Variants in CAMK2G observed in about 807,000 individuals in gnomAD.
The protein encoded by CAMK2G is calcium/calmodulin-dependent protein kinase type II subunit gamma.
Under a neutral mutation model 88.7 loss-of-function variants are expected in CAMK2G, and 23 were observed. That is an observed-to-expected ratio of 0.26 (90% CI 0.19 to 0.37). The LOEUF is 0.37. Among genes scored for constraint, CAMK2G ranks in the 10% least tolerant of loss-of-function variants. CAMK2G has a pLI of 1.00. For synonymous variants in CAMK2G, 263 were observed against 294.8 expected (o/e 0.89, Z 1.11); for missense variants, 476 against 780.8 (o/e 0.61, Z 4.65).
At chr10:73,859,095 C>T (rs1474440380) in intron 3 of CAMK2G, among the ~76,000 whole-genome samples, 2 of 152,236 alleles carry the variant, frequency 1.3e-5, no homozygotes, top group African/African-American at 2.4e-5. Context: ...TATTGAGACC[C>T]GGGTCTGGAA....
At position 73,849,248 on chromosome 10, in the gene CAMK2G, G is replaced by A. The variant is rs771317668; in HGVS notation, c.414+13C>T. On this transcript the variant is annotated intron_variant, in intron 6 of 22. Transcript: ENST00000423381. ...TTCATGAGCAGAGGCACGGAGGGGAGCCTGGGTAGTACCTTCAGGTCCCTG... is the reference window on the plus strand; with the variant it reads ...TTCATGAGCAGAGGCACGGAGGGGAACCTGGGTAGTACCTTCAGGTCCCTG... 5.6e-6 allele frequency: 9 copies of A among 1,609,812 alleles called. No individual in the cohort carries two copies. The highest frequency in any genetic ancestry group is 7.7e-6 in the Non-Finnish European group (9 of 1,176,204).
chr10:73,860,159 T>C (rs2095305727), intron 3 of CAMK2G, among the ~76,000 whole-genome samples: 1 of 152,170 alleles, frequency 6.6e-6, no homozygotes, highest in Non-Finnish European at 1.5e-5. Context: ...CAAAGACCAT[T>C]TCAGCTGAAC....
chr10:73,840,644 C>T (rs75833526), intron 12 of CAMK2G, among the ~76,000 whole-genome samples: 172 of 152,338 alleles, frequency 1.1e-3, no homozygotes, highest in African/African-American at 3.9e-3. Context: ...TTCCTGAAAC[C>T]AGGATGCCAG....
rs533106187 is a variant in CAMK2G at position 73,855,822 on chromosome 10, C to T, written c.221-2576G>A. 2.0e-5 allele frequency among the ~76,000 whole-genome samples: 3 copies of T among 152,340 alleles called. No individual in the cohort carries two copies. In the South Asian group the frequency reaches 6.2e-4, roughly 32 times the overall value. The stretch of plus-strand genomic sequence containing the variant: ...CAAGGAGGGATGGAGGAAGCTGTAT[C>T]TGAATAAGACTGCTATCGACATTTT... On this transcript the variant is annotated intron_variant, in intron 3 of 22. Coordinates refer to ENST00000423381, the MANE Select transcript of CAMK2G (RefSeq NM_001367534.1).
intron 15 of CAMK2G, 68 bp downstream of exon 15, chr10:73,828,021 G>C (rs1400419644): frequency 3.9e-6 from 5 of 1,279,732 alleles, no homozygotes; most frequent in Non-Finnish European, 5.7e-6. Context: ...TGGCAGAACA[G>C]GTTTGCGTGG....
intron 12 of CAMK2G, 193 bp downstream of exon 12, chr10:73,841,976 G>GT: frequency 1.6e-6 from 1 of 611,100 alleles, no homozygotes; most frequent in Non-Finnish European, 2.9e-6. Flanking sequence ...ATTCACAAAT[G>GT]TGAGTCCAGC....
Position 73,815,132 on chromosome 10 carries a change from C to A in CAMK2G, c.1650G>T (p.Gly550=). The stretch of plus-strand genomic sequence containing the variant: ...ACTGGCTGGTGCGAGGCCGACCCTG[C>A]CCGTCGATGTACTGGGTGAGGCGGA... The part of the protein sequence containing the change: ...AYIRLTQYID[G]QGRPRTSQSE... Residue 550 remains glycine, a synonymous_variant, in exon 22 of 23, where the codon GGG becomes GGT. Transcript: ENST00000423381. 6.2e-7 allele frequency: 1 copy of A among 1,614,212 alleles called. No individual in the cohort carries two copies. Among genetic ancestry groups the A allele is most frequent in the Non-Finnish European group, 8.5e-7 (1 of 1,180,006 alleles).
rs532257759 is a variant in CAMK2G, at chr10:73,851,944, A to T, written c.341+310T>A. 2.3e-4 allele frequency among the ~76,000 whole-genome samples: 35 copies of T among 152,206 alleles called. No homozygotes were observed. The South Asian group carries it at 3.5e-3, about 15-fold the overall frequency. On this transcript the variant is annotated intron_variant, in intron 5 of 22. Coordinates refer to ENST00000423381, the MANE Select transcript of CAMK2G (RefSeq NM_001367534.1). ...GTATTTTTAGTAGAGACAGGGTTTCACTATGTTGGCCAGGCTGGGCTCCAA... is the reference window on the plus strand; with the variant it reads ...GTATTTTTAGTAGAGACAGGGTTTCTCTATGTTGGCCAGGCTGGGCTCCAA...
intron 5 of CAMK2G, among the ~76,000 whole-genome samples, chr10:73,850,056 C>T (rs1273463658): frequency 3.3e-5 from 5 of 152,128 alleles, no homozygotes; most frequent in South Asian, 2.1e-4. Flanking sequence ...AGTGCAATGT[C>T]GTGAACACAG....
chr10:73,861,969 T>C (rs2135552713), intron 2 of CAMK2G, among the ~76,000 whole-genome samples: 1 of 152,270 alleles, frequency 6.6e-6, no homozygotes, highest in South Asian at 2.1e-4. Context: ...AGGACACAAA[T>C]CCTGCTTCTC....
At chr10:73,862,301 C>A (rs867578437) in intron 2 of CAMK2G, among the ~76,000 whole-genome samples, 14 of 85,694 alleles carry the variant, frequency 1.6e-4, no homozygotes, top group African/African-American at 3.0e-4. Context: ...TACTCCACCC[C>A]CCCCCCCCCC....
Position 73,816,041 on chromosome 10 carries a change from T to TG in CAMK2G, c.1535-795dup, listed in dbSNP as rs1361588502. The TG allele has an allele frequency of 3.0e-6, 3 of 985,202 alleles. No homozygotes were observed. The African/African-American group carries it at 5.2e-5, about 17-fold the overall frequency. 61.0% of individuals were successfully genotyped at this position (985,202 alleles called of 1,614,324 possible). A position where few individuals can be genotyped will look rare whatever the true frequency, so the allele number is the denominator to read the frequency against. On this transcript the variant is annotated intron_variant, in intron 21 of 22. Transcript: ENST00000423381. ...ATATGTAGCTGAGATGTGATAAGGGTGGGAGCCAGCGGAGAAGTTAGTGAC... is the reference window on the plus strand; with the variant it reads ...ATATGTAGCTGAGATGTGATAAGGGTGGGGAGCCAGCGGAGAAGTTAGTGAC...
In CAMK2G at chr10:73,842,320, G is replaced by A. The variant is rs2093858935; in HGVS notation, c.904-109C>T. On this transcript the variant is annotated intron_variant, in intron 11 of 22. Coordinates refer to ENST00000423381, the MANE Select transcript of CAMK2G (RefSeq NM_001367534.1). The surrounding 1 kb of genome is among the most constrained non-coding windows in gnomAD (Gnocchi z 4.6). ...GAGCCTGAAGACATCAGGCCTCTGG[G>A]CCCCCTCCCCTGTGACATGTACAAC... 1.7e-6 allele frequency: 2 copies of A among 1,155,288 alleles called. No individual in the cohort carries two copies. The highest frequency in any genetic ancestry group is 2.6e-6 in the Non-Finnish European group (2 of 763,516). 71.6% of individuals were successfully genotyped at this position (1,155,288 alleles called of 1,614,324 possible). A position where few individuals can be genotyped will look rare whatever the true frequency, so the allele number is the denominator to read the frequency against.
At chr10:73,853,500 A>G (rs780911839) in intron 3 of CAMK2G, among the ~76,000 whole-genome samples, 22 of 152,232 alleles carry the variant, frequency 1.4e-4, no homozygotes, top group Non-Finnish European at 2.9e-4. Context: ...AGAAGTCAAG[A>G]TGGAGAAAAG....
In CAMK2G at chr10:73,873,009, GTAT is replaced by G. The variant is rs774346611; in HGVS notation, c.137_139del (p.Asn46del). On this transcript the variant is annotated inframe_deletion, in exon 2 of 23. Transcript: ENST00000423381. ...CTCACCCCGGGCAGACAACTTCTTG[GTAT>G]TGATGATTTTTGCTGCGTACTCCTG... 3 of 1,611,912 alleles carry G rather than the reference GTAT, an allele frequency of 1.9e-6. No homozygotes were observed. The highest frequency in any genetic ancestry group is 2.5e-6 in the Non-Finnish European group (3 of 1,178,058).
At chr10:73,849,973 G>A (rs755135086) in intron 5 of CAMK2G, among the ~76,000 whole-genome samples, 33 of 152,070 alleles carry the variant, frequency 2.2e-4, no homozygotes, top group Non-Finnish European at 4.3e-4. Flanking sequence ...ATGATTTTGC[G>A]TAGAGAAAAA....
chr10:73,823,424 C>T (rs2089796645), intron 17 of CAMK2G, among the ~76,000 whole-genome samples: 1 of 152,114 alleles, frequency 6.6e-6, no homozygotes, highest in Non-Finnish European at 1.5e-5. Context: ...CCATGTTGCC[C>T]AAGGTGGTCT....
At chr10:73,844,095 ATT>A (rs879447944) in intron 10 of CAMK2G, among the ~76,000 whole-genome samples, 4 of 145,638 alleles carry the variant, frequency 2.7e-5, no homozygotes, top group Non-Finnish European at 1.5e-5. Context: ...AAACAAAAAA[ATT>A]TTTTTTTTTT....
At chr10:73,837,270 C>G (rs2093340783) in intron 14 of CAMK2G, 198 bp downstream of exon 14, 2 of 656,532 alleles carry the variant, frequency 3.0e-6, no homozygotes. Flanking sequence ...TCCCATCCAG[C>G]TAGGGCCAGG....
Sources: allele counts gnomAD v4.1 joint callset (sites outside exome capture counted in the v4.1 genomes callset), GRCh38; gene constraint gnomAD v4.1.1; non-coding constraint Gnocchi (gnomAD v3.1); transcripts MANE v1.5; gene names NCBI Gene and HGNC (gene_info 2026-07-23, HGNC 2026-07-21).